Variants in GPHN observed in about 807,000 individuals in gnomAD.
GPHN encodes gephyrin.
A neutral mutation model predicts 95.5 loss-of-function variants in GPHN; 17 were observed. The observed-to-expected ratio is 0.18, with a 90% confidence interval of 0.12 to 0.27. GPHN has a LOEUF of 0.27. GPHN is among the 10% of genes least tolerant of loss of function. The probability of loss-of-function intolerance (pLI) is 1.00; values close to 1 mark genes in which losing one functional copy is unlikely to be tolerated. For synonymous variants in GPHN, 320 were observed against 322.5 expected (o/e 0.99, Z 0.08); for missense variants, 660 against 978.1 (o/e 0.67, Z 4.34).
the GPHN span, among the ~76,000 whole-genome samples, chr14:67,544,788 TG>T: frequency 6.6e-6 from 1 of 152,228 alleles, no homozygotes; most frequent in Non-Finnish European, 1.5e-5. Context: ...ATAGACTTAA[TG>T]GACAGGAAGA....
chr14:67,330,154 AATTATT>A, the GPHN span, among the ~76,000 whole-genome samples: 4 of 105,728 alleles, frequency 3.8e-5, no homozygotes, highest in Non-Finnish European at 6.7e-5. Context: ...TAATAATAAT[AATTATT>A]ATTATTATTA....
chr14:66,715,393 G>A (rs2070075982), intron 2 of GPHN, among the ~76,000 whole-genome samples: 2 of 151,892 alleles, frequency 1.3e-5, no homozygotes, highest in Non-Finnish European at 2.9e-5. Flanking sequence ...TCTTGCTAAT[G>A]GTCTATCAAT....
At chr14:66,915,301 A>G (rs1460694985) in intron 5 of GPHN, among the ~76,000 whole-genome samples, 1 of 152,200 alleles carries the variant, frequency 6.6e-6, no homozygotes, top group African/African-American at 2.4e-5. Flanking sequence ...TTACCAGATC[A>G]GAGTAACACA....
chr14:66,646,635 A>T (rs1309314502), intron 1 of GPHN, among the ~76,000 whole-genome samples: 1 of 152,138 alleles, frequency 6.6e-6, no homozygotes, highest in African/African-American at 2.4e-5. Flanking sequence ...CAAGAAGAAG[A>T]CAAATATTGT....
rs550038159 is a variant in GPHN, at chr14:67,181,501, C to T, written c.*564C>T. ...GCAGAGCATCCAGGGAGGTTTCTCG[C>T]CCCAATAGCCTCACGGCACAGTACT... On this transcript the variant is annotated 3_prime_UTR_variant, in exon 23 of 23. Transcript: ENST00000478722. 1.9e-6 allele frequency: 1 copy of T among 517,578 alleles called. No individual in the cohort carries two copies. The highest frequency in any genetic ancestry group is 1.5e-5 in the South Asian group (1 of 64,912). 32.1% of individuals were successfully genotyped at this position (517,578 alleles called of 1,614,324 possible). A position where few individuals can be genotyped will look rare whatever the true frequency, so the allele number is the denominator to read the frequency against.
chr14:67,031,478 A>G (rs1188042872), intron 10 of GPHN, among the ~76,000 whole-genome samples: 1 of 152,206 alleles, frequency 6.6e-6, no homozygotes, highest in Admixed American at 6.5e-5. Context: ...ATTGACTTCC[A>G]TAAATATTTA....
At chr14:67,689,437 CCT>C in the GPHN span, among the ~76,000 whole-genome samples, 6 of 152,084 alleles carry the variant, frequency 3.9e-5, no homozygotes, top group African/African-American at 1.4e-4. Flanking sequence ...CATATATTTC[CCT>C]CTTATTTGAT....
intron 3 of GPHN, among the ~76,000 whole-genome samples, chr14:66,798,966 T>A (rs2060252642): frequency 1.3e-5 from 2 of 151,958 alleles, no homozygotes; most frequent in South Asian, 4.1e-4. Flanking sequence ...TAAACTTCCC[T>A]CTTAGTACTG....
At chr14:66,954,468 G>C (rs1371716818) in intron 8 of GPHN, among the ~76,000 whole-genome samples, 1 of 151,908 alleles carries the variant, frequency 6.6e-6, no homozygotes, top group Non-Finnish European at 1.5e-5. Context: ...TGATTTTTGT[G>C]TGTTCTTCAT....
At chr14:67,539,838 A>G in the GPHN span, among the ~76,000 whole-genome samples, 5 of 152,138 alleles carry the variant, frequency 3.3e-5, 1 homozygote, top group East Asian at 1.9e-4. Flanking sequence ...GTGCTTACCT[A>G]TTGTTTCACA....
At chr14:67,514,967 C>T in the GPHN span, 1 of 123,536 alleles carries the variant, frequency 8.1e-6, no homozygotes, top group Admixed American at 8.4e-5. Flanking sequence ...AGTCCGGTCG[C>T]CCAGTCTTCC....
chr14:67,143,575 C>T, intron 18 of GPHN, 126 bp downstream of exon 18: 1 of 750,210 alleles, frequency 1.3e-6, no homozygotes, highest in South Asian at 1.4e-5. Context: ...ATCCATGGGG[C>T]TTCAGAAATT....
chr14:67,222,781 C>A, the GPHN span, among the ~76,000 whole-genome samples: 1 of 152,012 alleles, frequency 6.6e-6, no homozygotes, highest in African/African-American at 2.4e-5. Context: ...GGGAGACAGA[C>A]CAAGCCTCAG....
the GPHN span, among the ~76,000 whole-genome samples, chr14:67,353,411 G>C: frequency 6.6e-6 from 1 of 152,152 alleles, no homozygotes. Flanking sequence ...AGCTACAGGT[G>C]TAAGTGGGAG....
chr14:66,844,863 T>G (rs2062252113), intron 4 of GPHN, among the ~76,000 whole-genome samples: 1 of 152,090 alleles, frequency 6.6e-6, no homozygotes, highest in Non-Finnish European at 1.5e-5. Flanking sequence ...CTGTACCCAT[T>G]AAACAAAAAC....
intron 2 of GPHN, among the ~76,000 whole-genome samples, chr14:66,732,602 C>T (rs536640439): frequency 3.9e-5 from 6 of 152,270 alleles, no homozygotes; most frequent in South Asian, 2.1e-4. Flanking sequence ...CTGCAACCTC[C>T]GCCTCCCCGG....
chr14:67,078,089 T>C (rs1378817843), intron 11 of GPHN, among the ~76,000 whole-genome samples: 1 of 152,192 alleles, frequency 6.6e-6, no homozygotes, highest in Non-Finnish European at 1.5e-5. Flanking sequence ...AGAATAAACA[T>C]TGTCTAGTCA....
At chr14:67,152,692 C>T (rs1025713315) in intron 18 of GPHN, among the ~76,000 whole-genome samples, 39 of 152,186 alleles carry the variant, frequency 2.6e-4, no homozygotes, top group Middle Eastern at 3.2e-3. Context: ...ACTGGCGGGG[C>T]GCGGTGGCTC....
intron 1 of GPHN, among the ~76,000 whole-genome samples, chr14:66,617,314 C>T (rs767962349): frequency 2.6e-5 from 4 of 152,166 alleles, no homozygotes; most frequent in East Asian, 1.9e-4. Context: ...CTGCAGAGCT[C>T]TGGGGTTGGG....
Sources: gnomAD v4.1 joint callset for allele counts (sites outside exome capture counted in the v4.1 genomes callset) on GRCh38, gnomAD v4.1.1 for gene constraint, MANE v1.5 for transcripts, NCBI Gene and HGNC (gene_info 2026-07-23, HGNC 2026-07-21) for gene names.